Variants in KLHL22 observed in about 807,000 individuals in gnomAD.
KLHL22 encodes kelch-like protein 22.
A neutral mutation model predicts 60.7 loss-of-function variants in KLHL22; 18 were observed. That is an observed-to-expected ratio of 0.30 (90% CI 0.20 to 0.44). The LOEUF (loss-of-function observed/expected upper bound fraction) is 0.44. Ranked by LOEUF, KLHL22 falls within the 20% of genes least tolerant of loss-of-function variation. The pLI, the probability that KLHL22 is intolerant of heterozygous loss-of-function variation, is 1.00. For synonymous variants in KLHL22, 355 were observed against 354.5 expected, an observed-to-expected ratio of 1.00 and a Z score of -0.01; for missense variants, 596 against 852.3, an observed-to-expected ratio of 0.70 and a Z score of 3.74.
At chr22:20,477,545 G>A (rs1399437500) in intron 2 of KLHL22, among the ~76,000 whole-genome samples, 10 of 152,134 alleles carry the variant, frequency 6.6e-5, no homozygotes, top group Non-Finnish European at 8.8e-5. Flanking sequence ...TTTTGAGGCT[G>A]CAGTGAGCTA....
chr22:20,490,531 A>T (rs2053668413), intron 1 of KLHL22, among the ~76,000 whole-genome samples: 1 of 152,222 alleles, frequency 6.6e-6, no homozygotes, highest in Non-Finnish European at 1.5e-5. Context: ...CCCATTAACA[A>T]GCAAGCAATC....
rs1480246593 is a variant in KLHL22 at position 20,441,815 on chromosome 22, G to A, written c.*258C>T. The A allele has an allele frequency of 5.2e-6, 2 of 382,826 alleles. No homozygotes were observed. The highest frequency in any genetic ancestry group is 3.8e-5 in the East Asian group (1 of 26,040). The allele number at this position is 382,826 out of a possible 1,614,324, so 23.7% of individuals were successfully genotyped here. A position where few individuals can be genotyped will look rare whatever the true frequency, so the allele number is the denominator to read the frequency against. On this transcript the variant is annotated 3_prime_UTR_variant, in exon 7 of 7. Transcript: ENST00000328879. ...GAGGAGAGAAGGCCAACCCCTCCAGGGCTCACTGAGGAAGGCCAAAGCCTT... is the reference window on the plus strand; with the variant it reads ...GAGGAGAGAAGGCCAACCCCTCCAGAGCTCACTGAGGAAGGCCAAAGCCTT...
Position 20,465,703 on chromosome 22 carries a change from T to C in KLHL22, c.394-127A>G, listed in dbSNP as rs2053223942. On this transcript the variant is annotated intron_variant, in intron 3 of 6. Coordinates refer to ENST00000328879, the MANE Select transcript of KLHL22 (RefSeq NM_032775.4). The surrounding 1 kb of genome is among the most constrained non-coding windows in gnomAD (Gnocchi z 4.9). ...AAGCAGAAGGGAAGTCCTCCTTAAT[T>C]GTCCCCGACCTTTTCTGACACACTG... is the stretch of plus-strand genomic sequence containing the variant. 1.0e-5 allele frequency: 7 copies of C among 681,436 alleles called. No homozygotes were observed. In the Admixed American group the frequency reaches 1.5e-4, roughly 15 times the overall value. The allele number at this position is 681,436 out of a possible 1,614,324, so 42.2% of individuals were successfully genotyped here.
chr22:20,454,103 C>G (rs1424625198), intron 5 of KLHL22, among the ~76,000 whole-genome samples: 2 of 152,128 alleles, frequency 1.3e-5, no homozygotes, highest in Non-Finnish European at 1.5e-5. Context: ...CCGAGGCAGA[C>G]AGATCCCTTG....
Position 20,489,088 on chromosome 22 carries a change from C to A in KLHL22, c.124G>T (p.Ala42Ser). 1 of 1,614,128 alleles carries A rather than the reference C, an allele frequency of 6.2e-7. No homozygotes were observed. The highest frequency in any genetic ancestry group is 1.6e-4 in the Middle Eastern group (1 of 6,062). The change falls in exon 2 of 7, where the codon GCT becomes TCT. Residue 42 changes from alanine (A) to serine (S), a missense_variant. Coordinates refer to ENST00000328879, the MANE Select transcript of KLHL22 (RefSeq NM_032775.4). ...AAGAGGATTCCGCTGTCCCGGAGAG[C>A]CAGCAGCCCTCGGAGCAGAGCCTGG... ...HSQALLRGLL[A>S]LRDSGILFDV... is the part of the protein sequence containing the mutation.
intron 1 of KLHL22, among the ~76,000 whole-genome samples, chr22:20,490,814 G>A (rs1569148479): frequency 6.6e-6 from 1 of 152,156 alleles, no homozygotes. Context: ...AGCTCAGGTG[G>A]TAATGCTGGA....
intron 4 of KLHL22, among the ~76,000 whole-genome samples, chr22:20,458,520 C>T (rs2053103151): frequency 6.7e-6 from 1 of 148,786 alleles, no homozygotes; most frequent in Admixed American, 6.7e-5. Flanking sequence ...AATCCTCCTG[C>T]CTCAGCCTCA....
At chr22:20,492,071 C>G (rs954150292) in intron 1 of KLHL22, 1 of 152,240 alleles carries the variant, frequency 6.6e-6, no homozygotes, top group Non-Finnish European at 1.5e-5. Flanking sequence ...TCCCACACAC[C>G]CTGCTCGAGC....
At chr22:20,488,637 GATGCA>G in intron 2 of KLHL22, 1 of 281,676 alleles carries the variant, frequency 3.6e-6, no homozygotes, top group Non-Finnish European at 6.7e-6. Flanking sequence ...GCCAGAAGGT[GATGCA>G]TACACAGCAA....
intron 1 of KLHL22, chr22:20,491,845 C>G (rs2053697016): frequency 6.6e-6 from 1 of 152,296 alleles, no homozygotes; most frequent in African/African-American, 2.4e-5. Flanking sequence ...ACTCAGTTAT[C>G]TGTGCCTGCC....
At chr22:20,454,356 A>T (rs2053029555) in intron 5 of KLHL22, among the ~76,000 whole-genome samples, 1 of 152,166 alleles carries the variant, frequency 6.6e-6, no homozygotes, top group African/African-American at 2.4e-5. Flanking sequence ...AAAAATTTTT[A>T]AAAAGCTTAT....
intron 2 of KLHL22, among the ~76,000 whole-genome samples, chr22:20,479,968 G>C (rs79502570): frequency 0.016 from 2,487 of 152,250 alleles, 30 homozygotes; most frequent in Non-Finnish European, 0.024. Flanking sequence ...CTTGATAGGT[G>C]AATAGACAAA....
Position 20,446,509 on chromosome 22 carries a change from G to A in KLHL22, c.1473C>T (p.Leu491=). The change falls in exon 6 of 7, where the codon CTC becomes CTT. Residue 491 remains leucine, a synonymous_variant. Transcript: ENST00000328879. ...VRRAWHGMAT[L]LNKLYVIGGS... is the part of the protein sequence containing the mutation. ...CCCCGATCACATACAGCTTGTTGAG[G>A]AGGGTTGCCATGCCGTGCCAGGCGC... 2 of 1,613,332 alleles carry A rather than the reference G, an allele frequency of 1.2e-6. No homozygotes were observed. Among genetic ancestry groups the A allele is most frequent in the Non-Finnish European group, 1.7e-6 (2 of 1,180,038 alleles).
At chr22:20,462,978 T>C (rs1385458717) in intron 4 of KLHL22, among the ~76,000 whole-genome samples, 1 of 152,204 alleles carries the variant, frequency 6.6e-6, no homozygotes, top group East Asian at 1.9e-4. Context: ...TTTCCTTATA[T>C]TCTAAAAGCC....
intron 4 of KLHL22, among the ~76,000 whole-genome samples, chr22:20,459,563 A>G (rs780501128): frequency 6.6e-6 from 1 of 152,232 alleles, no homozygotes; most frequent in Non-Finnish European, 1.5e-5. Flanking sequence ...ATCATAAAAG[A>G]CGAGCATGAA....
intron 1 of KLHL22, among the ~76,000 whole-genome samples, chr22:20,493,920 G>A (rs913398273): frequency 6.6e-6 from 1 of 152,060 alleles, no homozygotes; most frequent in Non-Finnish European, 1.5e-5. Context: ...AAAATTAGTG[G>A]GGCGTGGTGG....
chr22:20,451,599 C>T, intron 5 of KLHL22: 1 of 1,596,194 alleles, frequency 6.3e-7, no homozygotes, highest in Non-Finnish European at 8.6e-7. Context: ...AAGCATACAA[C>T]ATTCGCACTG....
intron 4 of KLHL22, among the ~76,000 whole-genome samples, chr22:20,460,480 G>A (rs2053134168): frequency 6.6e-6 from 1 of 151,846 alleles, no homozygotes; most frequent in Non-Finnish European, 1.5e-5. Flanking sequence ...ATGGTGGTGT[G>A]TGGCTGTAGT....
chr22:20,451,019 A>G, intron 5 of KLHL22: 1 of 1,523,474 alleles, frequency 6.6e-7, no homozygotes. Context: ...GCAGTAGAGA[A>G]ATATGACCCC....
Sources: gnomAD v4.1 joint callset for allele counts (sites outside exome capture counted in the v4.1 genomes callset) on GRCh38, gnomAD v4.1.1 for gene constraint, Gnocchi (gnomAD v3.1) non-coding constraint, MANE v1.5 for transcripts, NCBI Gene and HGNC (gene_info 2026-07-23, HGNC 2026-07-21) for gene names.